RORB: variants seen among roughly 807,000 people sequenced by gnomAD.
The protein encoded by RORB is nuclear receptor ROR-beta.
Under a neutral mutation model 59.1 loss-of-function variants are expected in RORB, and 6 were observed. The observed-to-expected ratio is 0.10, with a 90% confidence interval of 0.06 to 0.20. RORB has a LOEUF of 0.20. RORB is among the 10% of genes least tolerant of loss of function. RORB has a pLI of 1.00. For missense variants in RORB, 320 were observed against 560.5 expected (o/e 0.57, Z 4.33); for synonymous variants, 215 against 204.5 (o/e 1.05, Z -0.44).
chr9:74,569,671 A>T (rs993799762), intron 1 of RORB, among the ~76,000 whole-genome samples: 1 of 152,106 alleles, frequency 6.6e-6, no homozygotes, highest in Non-Finnish European at 1.5e-5. Flanking sequence ...GTGACTTTAA[A>T]AATAATCTAC....
intron 1 of RORB, among the ~76,000 whole-genome samples, chr9:74,500,241 C>G (rs1825788084): frequency 6.6e-6 from 1 of 152,150 alleles, no homozygotes; most frequent in Non-Finnish European, 1.5e-5. Flanking sequence ...CCAGGTCACT[C>G]TATCGCCATT....
chr9:74,679,121 G>T (rs1824499202), intron 9 of RORB, among the ~76,000 whole-genome samples: 2 of 151,004 alleles, frequency 1.3e-5, no homozygotes, highest in Admixed American at 6.6e-5. Context: ...AGAATTCCTA[G>T]CAGGTGGGAC....
At chr9:74,577,383 CT>C (rs1418333943) in intron 1 of RORB, among the ~76,000 whole-genome samples, 6 of 152,092 alleles carry the variant, frequency 3.9e-5, no homozygotes, top group African/African-American at 1.4e-4. Flanking sequence ...CATGATTCTA[CT>C]TTTAGGCATC....
At chr9:74,644,343 T>TA (rs1444377653) in intron 4 of RORB, among the ~76,000 whole-genome samples, 2 of 152,258 alleles carry the variant, frequency 1.3e-5, no homozygotes, top group African/African-American at 4.8e-5. Context: ...AGTTAATTAT[T>TA]ACTGTCATCC....
At position 74,685,356 on chromosome 9, in the gene RORB, TC is replaced by T. The variant is rs60219130; in HGVS notation, c.1225-105del. 9,640 of 886,446 alleles carry T rather than the reference TC, an allele frequency of 0.011. 594 individuals carry two copies. In the African/African-American group the frequency reaches 0.14, roughly 13 times the overall value. The allele number at this position is 886,446 out of a possible 1,614,324, so 54.9% of individuals were successfully genotyped here. A position where few individuals can be genotyped will look rare whatever the true frequency, so the allele number is the denominator to read the frequency against. On this transcript the variant is annotated intron_variant, in intron 9 of 9. Coordinates refer to ENST00000376896, the MANE Select transcript of RORB (RefSeq NM_006914.4). ...CCTTCTTTCTTTCTGAACATCTTTT[TC>T]CAAAGCCTTTTACCTTCATCTGGGG... is the stretch of plus-strand genomic sequence containing the variant.
At chr9:74,679,696 G>A (rs1025354143) in intron 9 of RORB, among the ~76,000 whole-genome samples, 2 of 152,124 alleles carry the variant, frequency 1.3e-5, no homozygotes, top group Non-Finnish European at 2.9e-5. Context: ...TTTATGGTTT[G>A]CTGGCATATA....
chr9:74,592,630 G>T (rs189996285), intron 1 of RORB, among the ~76,000 whole-genome samples: 1 of 152,246 alleles, frequency 6.6e-6, no homozygotes, highest in Admixed American at 6.5e-5. Context: ...ACCTGCAGTG[G>T]GTGATGAGGA....
chr9:74,607,809 GTAATGAC>G (rs1482279865), intron 1 of RORB, among the ~76,000 whole-genome samples: 11 of 152,146 alleles, frequency 7.2e-5, no homozygotes, highest in Admixed American at 3.9e-4. Flanking sequence ...CAGAAATTAA[GTAATGAC>G]AAACTAATCT....
chr9:74,552,232 A>G (rs111667201), intron 1 of RORB, among the ~76,000 whole-genome samples: 2 of 152,322 alleles, frequency 1.3e-5, no homozygotes, highest in African/African-American at 4.8e-5. Context: ...GAATCTCATC[A>G]GTGGAAGTGA....
At chr9:74,631,992 T>G (rs765758584) in intron 2 of RORB, among the ~76,000 whole-genome samples, 4 of 152,204 alleles carry the variant, frequency 2.6e-5, no homozygotes, top group Non-Finnish European at 5.9e-5. Context: ...TCTATTGGCT[T>G]GTTATGCAAT....
At chr9:74,568,441 C>T (rs1822499722) in intron 1 of RORB, among the ~76,000 whole-genome samples, 2 of 151,938 alleles carry the variant, frequency 1.3e-5, no homozygotes, top group African/African-American at 4.8e-5. Flanking sequence ...GTGGCTCACG[C>T]CTGTAATCCC....
chr9:74,589,774 A>G (rs539988142), intron 1 of RORB, among the ~76,000 whole-genome samples: 1 of 152,248 alleles, frequency 6.6e-6, no homozygotes, highest in East Asian at 1.9e-4. Flanking sequence ...TCTGTACTCC[A>G]CCCAAACCAC....
chr9:74,593,333 G>A (rs186402107), intron 1 of RORB, among the ~76,000 whole-genome samples: 1 of 152,070 alleles, frequency 6.6e-6, no homozygotes, highest in Non-Finnish European at 1.5e-5. Context: ...AGGCACAGTG[G>A]TGTACGCCTA....
chr9:74,636,101 T>C (rs987819508), intron 3 of RORB, among the ~76,000 whole-genome samples: 4 of 152,116 alleles, frequency 2.6e-5, no homozygotes, highest in African/African-American at 9.7e-5. Context: ...TAACCAGATA[T>C]ATTTACTCCT....
intron 1 of RORB, among the ~76,000 whole-genome samples, chr9:74,559,500 GT>G (rs1334947754): frequency 2.0e-5 from 3 of 152,264 alleles, no homozygotes; most frequent in East Asian, 1.9e-4. Flanking sequence ...TTCCTTGCAT[GT>G]TTTTAAGTCT....
intron 4 of RORB, among the ~76,000 whole-genome samples, chr9:74,652,871 A>G (rs1279244639): frequency 2.6e-5 from 4 of 152,248 alleles, no homozygotes; most frequent in African/African-American, 7.2e-5. Context: ...AGGAAACGAA[A>G]TGCTAAATCT....
intron 1 of RORB, among the ~76,000 whole-genome samples, chr9:74,532,658 T>C (rs765355453): frequency 2.0e-4 from 30 of 151,054 alleles, no homozygotes; most frequent in Non-Finnish European, 4.0e-4. Context: ...TATATGTGTG[T>C]ATACATATAT....
At chr9:74,657,309 C>T (rs1161749753) in intron 4 of RORB, among the ~76,000 whole-genome samples, 3 of 152,204 alleles carry the variant, frequency 2.0e-5, no homozygotes, top group South Asian at 2.1e-4. Flanking sequence ...TCGTGATCTG[C>T]TTGCCTTGGC....
chr9:74,588,407 AG>A (rs1181772620), intron 1 of RORB, among the ~76,000 whole-genome samples: 2 of 152,202 alleles, frequency 1.3e-5, no homozygotes, highest in Non-Finnish European at 2.9e-5. Flanking sequence ...ACTTTGACAA[AG>A]TCAGGTCAAT....
Sources: allele counts gnomAD v4.1 joint callset (sites outside exome capture counted in the v4.1 genomes callset), GRCh38; gene constraint gnomAD v4.1.1; transcripts MANE v1.5; gene names NCBI Gene and HGNC (gene_info 2026-07-23, HGNC 2026-07-21).